The following DCAF5 variants were observed in gnomAD, a reference collection of about 807,000 sequenced individuals.
DCAF5 encodes DDB1- and CUL4-associated factor 5.
DCAF5 carries 9 observed loss-of-function variants against 80.7 expected under a neutral mutation model. The observed-to-expected ratio is 0.11, with a 90% CI of 0.07 to 0.19. DCAF5 has a LOEUF of 0.19. Ranked by LOEUF, DCAF5 falls within the 10% of genes least tolerant of loss-of-function variation. The probability of loss-of-function intolerance (pLI) is 1.00; values close to 1 mark genes in which losing one functional copy is unlikely to be tolerated. For missense variants in DCAF5, 842 were observed against 1,205.7 expected, an observed-to-expected ratio of 0.70 and a Z score of 4.47; for synonymous variants, 433 against 461.9, an observed-to-expected ratio of 0.94 and a Z score of 0.80.
In DCAF5 at chr14:69,121,798, G is replaced by C. The variant is rs118020680; in HGVS notation, c.358+419C>G. Among the ~76,000 whole-genome samples the C allele has an allele frequency of 6.4e-4, 97 of 152,170 alleles. 1 individual carries two copies. The East Asian group carries it at 0.017, about 27-fold the overall frequency. Reference sequence around the variant, plus strand: ...CCCTAACACAACACTTTTCAAACAGGAGCCATCTGTGGGTCAGGACATTCA... The same window carrying C: ...CCCTAACACAACACTTTTCAAACAGCAGCCATCTGTGGGTCAGGACATTCA... On this transcript the variant is annotated intron_variant, in intron 2 of 8. Coordinates refer to ENST00000341516, the MANE Select transcript of DCAF5 (RefSeq NM_003861.3).
At position 69,050,997 on chromosome 14, in the gene DCAF5, T is replaced by C. The variant is rs1166294382; in HGVS notation, c.*2860A>G. 1 of 152,596 alleles carries C rather than the reference T, an allele frequency of 6.6e-6. No individual in the cohort carries two copies. Among genetic ancestry groups the C allele is most frequent in the African/African-American group, 2.4e-5 (1 of 41,448 alleles). 9.5% of individuals were successfully genotyped at this position (152,596 alleles called of 1,614,324 possible). On this transcript the variant is annotated 3_prime_UTR_variant, in exon 9 of 9. Coordinates refer to ENST00000341516, the MANE Select transcript of DCAF5 (RefSeq NM_003861.3). Reference sequence around the variant, plus strand: ...TTACTGGGTGAGAAGGAGGTAAGGCTTCAGCAGAGGAAGGCACCTTGACAG... The same window carrying C: ...TTACTGGGTGAGAAGGAGGTAAGGCCTCAGCAGAGGAAGGCACCTTGACAG...
chr14:69,084,478 A>G, intron 6 of DCAF5: 2 of 799,598 alleles, frequency 2.5e-6, no homozygotes, highest in South Asian at 1.5e-5. Context: ...CTGCCACCCA[A>G]ACTTGAAAAG....
rs568363023 is a variant in DCAF5 at position 69,084,398 on chromosome 14, G to A, written c.879+7276C>T. ...CGATGAAGCTGATCGTATCTTGGATGTTGAGTTTGAAGAGGAATTAAAACA... is the reference window on the plus strand; with the variant it reads ...CGATGAAGCTGATCGTATCTTGGATATTGAGTTTGAAGAGGAATTAAAACA... On this transcript the variant is annotated intron_variant, in intron 6 of 8. Transcript: ENST00000341516. The A allele has an allele frequency of 2.0e-4, 178 of 910,082 alleles. 2 individuals are homozygous for A. The South Asian group carries it at 2.2e-3, about 11-fold the overall frequency. 56.4% of individuals were successfully genotyped at this position (910,082 alleles called of 1,614,324 possible).
At chr14:69,121,068 C>A (rs904895969) in intron 2 of DCAF5, among the ~76,000 whole-genome samples, 17 of 152,160 alleles carry the variant, frequency 1.1e-4, no homozygotes, top group Admixed American at 3.9e-4. Flanking sequence ...GGCACAAGGG[C>A]AAAATAGTAC....
chr14:69,153,153 GGTCCCCTCCCTCTCCTTCCCCCCGA>G (rs2041761231), upstream of DCAF5: 1 of 460,196 alleles, frequency 2.2e-6, no homozygotes. Flanking sequence ...GCTTCCTGAC[GGTCCCCTCCCTCTCCTTCCCCCCGA>G]GGCTCCTCCC....
At position 69,090,222 on chromosome 14, in the gene DCAF5, C is replaced by G. The variant is rs1037591784; in HGVS notation, c.879+1452G>C. 1.1e-4 allele frequency: 62 copies of G among 541,434 alleles called. No individual in the cohort carries two copies. The African/African-American group carries it at 1.2e-3, about 11-fold the overall frequency. The allele number at this position is 541,434 out of a possible 1,614,324, so 33.5% of individuals were successfully genotyped here. ...AGAGACTTGATTGTCATTTCCACAG[C>G]CAGACAAAGCTAAATCAACCATTCT... is the stretch of plus-strand genomic sequence containing the variant. On this transcript the variant is annotated intron_variant, in intron 6 of 8. Coordinates refer to ENST00000341516, the MANE Select transcript of DCAF5 (RefSeq NM_003861.3).
At chr14:69,143,157 T>C (rs1341667969) in intron 1 of DCAF5, among the ~76,000 whole-genome samples, 1 of 152,134 alleles carries the variant, frequency 6.6e-6, no homozygotes, top group Non-Finnish European at 1.5e-5. Flanking sequence ...ATCTTCACAA[T>C]TCCACCCGTC....
At chr14:69,141,250 AGCTAAGAGACTGGGGT>A (rs909352359) in intron 1 of DCAF5, among the ~76,000 whole-genome samples, 2 of 148,818 alleles carry the variant, frequency 1.3e-5, no homozygotes, top group African/African-American at 4.9e-5. Flanking sequence ...GAATGTGAGG[AGCTAAGAGACTGGGGT>A]TTTGGTTTTA....
chr14:69,099,515 T>C (rs183013130), intron 5 of DCAF5, among the ~76,000 whole-genome samples: 10 of 152,290 alleles, frequency 6.6e-5, no homozygotes, highest in Admixed American at 4.6e-4. Context: ...TCCAGGTCTC[T>C]ACATCTCACA....
rs757376973 is a variant in DCAF5 at position 69,123,801 on chromosome 14, C to T, written c.215-1441G>A. ...GCAACCTCCACCTCCCAGGTTCAAG[C>T]GATTCTCCTGCCTCAGTCTCCTGAG... is the stretch of plus-strand genomic sequence containing the variant. On this transcript the variant is annotated intron_variant, in intron 1 of 8. Transcript: ENST00000341516. 4.3e-4 allele frequency among the ~76,000 whole-genome samples: 65 copies of T among 152,112 alleles called. 1 individual carries two copies. Among genetic ancestry groups the T allele is most frequent in the Non-Finnish European group, 8.4e-4 (57 of 68,012 alleles).
At chr14:69,086,520 T>C (rs1594970774) in intron 6 of DCAF5, among the ~76,000 whole-genome samples, 2 of 151,950 alleles carry the variant, frequency 1.3e-5, no homozygotes, top group East Asian at 3.9e-4. Context: ...AACCAACGGT[T>C]GAATTTCCCC....
chr14:69,117,706 C>G (rs1011429555), intron 4 of DCAF5, among the ~76,000 whole-genome samples: 11 of 152,168 alleles, frequency 7.2e-5, no homozygotes, highest in African/African-American at 2.7e-4. Flanking sequence ...CCCCTTTAAA[C>G]AGAGTTTATT....
Position 69,053,566 on chromosome 14 carries a change from A to T in DCAF5, c.*291T>A, listed in dbSNP as rs894934078. 2.8e-4 allele frequency: 94 copies of T among 335,756 alleles called. 1 individual carries two copies. Among genetic ancestry groups the T allele is most frequent in the South Asian group, 5.4e-5 (1 of 18,452 alleles). The allele number at this position is 335,756 out of a possible 1,614,324, so 20.8% of individuals were successfully genotyped here. ...GAACAAGTCGAACGTCTCAACAAAG[A>T]TTTACTTCCACAGAGCCTTGCGCGG... On this transcript the variant is annotated 3_prime_UTR_variant, in exon 9 of 9. Coordinates refer to ENST00000341516, the MANE Select transcript of DCAF5 (RefSeq NM_003861.3).
intron 6 of DCAF5, among the ~76,000 whole-genome samples, chr14:69,085,982 C>A (rs2039303447): frequency 1.3e-5 from 2 of 152,260 alleles, no homozygotes; most frequent in African/African-American, 4.8e-5. Flanking sequence ...TTCGATTTGC[C>A]GTTTCACACT....
chr14:69,119,247 C>T lies in DCAF5; in HGVS notation c.359-17G>A. 22 of 1,612,776 alleles carry T rather than the reference C, an allele frequency of 1.4e-5. No individual in the cohort carries two copies. Among genetic ancestry groups the T allele is most frequent in the Non-Finnish European group, 1.9e-5 (22 of 1,179,598 alleles). On this transcript the variant is annotated splice_polypyrimidine_tract_variant and intron_variant, in intron 2 of 8. Transcript: ENST00000341516. ...CATCATTGCCTGCAAAAGAAAAAAG[C>T]AGACATCTGATCATTCGTGCAAGGT...
At chr14:69,065,077 C>T (rs1352273870) in intron 7 of DCAF5, among the ~76,000 whole-genome samples, 1 of 148,118 alleles carries the variant, frequency 6.8e-6, no homozygotes, top group Non-Finnish European at 1.5e-5. Flanking sequence ...TTCTCTTGCA[C>T]TTTCATGCAA....
intron 7 of DCAF5, among the ~76,000 whole-genome samples, chr14:69,068,429 T>C (rs1321925434): frequency 6.6e-6 from 1 of 152,220 alleles, no homozygotes; most frequent in Non-Finnish European, 1.5e-5. Context: ...CCAGATGTGG[T>C]GGCTCATGCC....
chr14:69,152,602 C>G lies in DCAF5; in HGVS notation c.214+163G>C. 1.7e-6 allele frequency: 1 copy of G among 605,010 alleles called. No individual in the cohort carries two copies. Among genetic ancestry groups the G allele is most frequent in the East Asian group, 2.8e-5 (1 of 35,644 alleles). 37.5% of individuals were successfully genotyped at this position (605,010 alleles called of 1,614,324 possible). On this transcript the variant is annotated intron_variant, in intron 1 of 8. Coordinates refer to ENST00000341516, the MANE Select transcript of DCAF5 (RefSeq NM_003861.3). This position sits in a 1 kb window ranked among gnomAD's most constrained non-coding sequence, Gnocchi z 4.1. ...GAAGACATCCTCTCCTTCCCCTCCC[C>G]CTGCAATGGTTTTAATTTGACACCA...
At chr14:69,117,960 A>G (rs1217345711) in intron 4 of DCAF5, among the ~76,000 whole-genome samples, 179 bp downstream of exon 4, 1 of 152,142 alleles carries the variant, frequency 6.6e-6, no homozygotes, top group Non-Finnish European at 1.5e-5. Flanking sequence ...CTCACTCCTG[A>G]GTATTTAGGT....
Sources: gnomAD v4.1 joint callset for allele counts (sites outside exome capture counted in the v4.1 genomes callset) on GRCh38, gnomAD v4.1.1 for gene constraint, Gnocchi (gnomAD v3.1) non-coding constraint, MANE v1.5 for transcripts, NCBI Gene and HGNC (gene_info 2026-07-23, HGNC 2026-07-21) for gene names.